HMOX1: variants seen among roughly 807,000 people sequenced by gnomAD.
HMOX1 encodes heat shock protein, 32-kD.
In HMOX1, 22 loss-of-function variants were observed where a neutral mutation model predicts 27.8. The ratio of observed to expected loss-of-function variants is 0.79; its 90% confidence interval spans 0.57 to 1.13. The LOEUF (loss-of-function observed/expected upper bound fraction) is 1.13. HMOX1 is among the 50% of genes most tolerant of loss of function. The probability of loss-of-function intolerance (pLI) is 0.00; values close to 1 mark genes in which losing one functional copy is unlikely to be tolerated. For missense variants in HMOX1, 379 were observed against 377.7 expected (o/e 1.00, Z -0.03); for synonymous variants, 153 against 151.6 (o/e 1.01, Z -0.07).
At chr22:35,383,025 C>G in intron 1 of HMOX1, 81 bp from the exon 2 acceptor site, 1 of 1,585,748 alleles carries the variant, frequency 6.3e-7, no homozygotes, top group Non-Finnish European at 8.6e-7. Flanking sequence ...TGAAGGCCTG[C>G]CCACAGGTGG....
In HMOX1 at chr22:35,388,554, G is replaced by A. The variant is rs1053294193; in HGVS notation, c.637-1310G>A. On this transcript the variant is annotated intron_variant, in intron 3 of 4. Transcript: ENST00000216117. ...TGTAATTCCAGCACTTTGGGAGGCCGAGGCGGGTGGATCACGAAGTCAGGA... is the reference window on the plus strand; with the variant it reads ...TGTAATTCCAGCACTTTGGGAGGCCAAGGCGGGTGGATCACGAAGTCAGGA... Among the ~76,000 whole-genome samples the A allele has an allele frequency of 3.3e-5, 5 of 152,092 alleles. No individual in the cohort carries two copies. The East Asian group carries it at 9.7e-4, about 29-fold the overall frequency.
At chr22:35,381,272 A>G (rs772650226) in intron 1 of HMOX1, 76 bp downstream of exon 1, 137 of 1,482,544 alleles carry the variant, frequency 9.2e-5, no homozygotes, top group Non-Finnish European at 1.1e-4. Context: ...CCACCCCGGG[A>G]CACTGCCACA....
Position 35,393,676 on chromosome 22 carries a change from C to A in HMOX1, c.*78C>A. The A allele has an allele frequency of 6.3e-7, 1 of 1,576,208 alleles. No individual in the cohort carries two copies. The highest frequency in any genetic ancestry group is 8.7e-7 in the Non-Finnish European group (1 of 1,146,502). On this transcript the variant is annotated 3_prime_UTR_variant, in exon 5 of 5. Transcript: ENST00000216117. ...CTTTCTAGAGAGGGAATTCTCTTGG[C>A]TGGCTTCCTTACCGTGGGCACTGAA...
intron 4 of HMOX1, among the ~76,000 whole-genome samples, chr22:35,392,552 C>T (rs1032861001): frequency 2.6e-5 from 4 of 152,026 alleles, no homozygotes; most frequent in Non-Finnish European, 5.9e-5. Context: ...TTCTCATAGC[C>T]CAGGGCGGGG....
chr22:35,386,576 C>CCCAGCTGT, intron 2 of HMOX1, 109 bp from the exon 3 acceptor site: 2 of 1,390,850 alleles, frequency 1.4e-6, no homozygotes, highest in Non-Finnish European at 2.0e-6. Flanking sequence ...GGAGTCAGAG[C>CCCAGCTGT]CCAGCTGCGA....
chr22:35,388,825 GCT>G (rs1378985884), intron 3 of HMOX1, among the ~76,000 whole-genome samples: 2 of 150,656 alleles, frequency 1.3e-5, no homozygotes, highest in Non-Finnish European at 2.9e-5. Flanking sequence ...AAAAAAAACG[GCT>G]CTTAGTGCCT....
rs527424080 is a variant in HMOX1 at position 35,389,921 on chromosome 22, C to A, written c.694C>A (p.Arg232=). 3 of 1,612,146 alleles carry A rather than the reference C, an allele frequency of 1.9e-6. No individual in the cohort carries two copies. Among genetic ancestry groups the A allele is most frequent in the East Asian group, 2.2e-5 (1 of 44,870 alleles). Residue 232 remains arginine, a synonymous_variant, in exon 4 of 5, where the codon CGG becomes AGG. Coordinates refer to ENST00000216117, the MANE Select transcript of HMOX1 (RefSeq NM_002133.3). ...THDTKDQSPS[R]APGLRQRASN... is the part of the protein sequence containing the mutation. ...TGACACCAAGGACCAGAGCCCCTCA[C>A]GGGCACCAGGGCTTCGCCAGCGGGC... is the stretch of plus-strand genomic sequence containing the variant.
At chr22:35,388,484 CA>C (rs965782026) in intron 3 of HMOX1, among the ~76,000 whole-genome samples, 1 of 143,082 alleles carries the variant, frequency 7.0e-6, no homozygotes, top group African/African-American at 2.6e-5. Flanking sequence ...AAAACAAAAA[CA>C]AAAAAAAACG....
chr22:35,381,186 C>A lies in HMOX1; in HGVS notation c.13C>A (p.Gln5Lys). The part of the protein sequence containing the change: MERP[Q>K]PDSMPQDLSE... Reference sequence around the variant, plus strand: ...CAGCACCGGCCGGATGGAGCGTCCGCAACCCGACAGGCAAGCGCGGGGCGC... The same window carrying A: ...CAGCACCGGCCGGATGGAGCGTCCGAAACCCGACAGGCAAGCGCGGGGCGC... Residue 5 changes from glutamine to lysine, a missense_variant, in exon 1 of 5, where the codon CAA becomes AAA. Coordinates refer to ENST00000216117, the MANE Select transcript of HMOX1 (RefSeq NM_002133.3). 6.5e-7 allele frequency: 1 copy of A among 1,546,022 alleles called. No homozygotes were observed. Among genetic ancestry groups the A allele is most frequent in the East Asian group, 2.4e-5 (1 of 41,718 alleles).
Position 35,386,808 on chromosome 22 carries a change from G to C in HMOX1, c.268G>C (p.Glu90Gln), listed in dbSNP as rs1257822129. 3 of 1,614,074 alleles carry C rather than the reference G, an allele frequency of 1.9e-6. No individual in the cohort carries two copies. The highest frequency in any genetic ancestry group is 2.5e-6 in the Non-Finnish European group (3 of 1,180,028). Residue 90 changes from glutamate (E) to glutamine (Q), a missense_variant, in exon 3 of 5, where the codon GAG becomes CAG. Coordinates refer to ENST00000216117, the MANE Select transcript of HMOX1 (RefSeq NM_002133.3). ...AGAGCTGCACCGCAAGGCTGCCCTG[G>C]AGCAGGACCTGGCCTTCTGGTACGG... ...PEELHRKAAL[E>Q]QDLAFWYGPR...
At chr22:35,387,211 C>A in intron 3 of HMOX1, 35 bp downstream of exon 3, 1 of 1,612,026 alleles carries the variant, frequency 6.2e-7, no homozygotes, top group Non-Finnish European at 8.5e-7. Flanking sequence ...GCCTCTGCCT[C>A]CCCCCGTTGT....
chr22:35,390,086 C>A, intron 4 of HMOX1, 123 bp downstream of exon 4: 1 of 751,950 alleles, frequency 1.3e-6, no homozygotes, highest in Non-Finnish European at 2.3e-6. Context: ...TTGTTTCCTG[C>A]TGCCCCACCC....
chr22:35,393,679 G>C lies in HMOX1; in HGVS notation c.*81G>C, dbSNP rs753850950. On this transcript the variant is annotated 3_prime_UTR_variant, in exon 5 of 5. Transcript: ENST00000216117. ...TCTAGAGAGGGAATTCTCTTGGCTG[G>C]CTTCCTTACCGTGGGCACTGAAGGC... The C allele has an allele frequency of 3.2e-5, 50 of 1,577,260 alleles. No homozygotes were observed. Among genetic ancestry groups the C allele is most frequent in the Non-Finnish European group, 4.2e-5 (48 of 1,148,010 alleles).
intron 4 of HMOX1, among the ~76,000 whole-genome samples, chr22:35,390,736 T>C (rs896700867): frequency 2.0e-5 from 3 of 152,136 alleles, no homozygotes; most frequent in African/African-American, 7.2e-5. Flanking sequence ...GCCTCCTTAA[T>C]TTAGACTCCT....
intron 3 of HMOX1, among the ~76,000 whole-genome samples, chr22:35,389,211 T>TTCTC (rs59548374): frequency 8.0e-6 from 1 of 124,570 alleles, no homozygotes; most frequent in Non-Finnish European, 1.6e-5. Flanking sequence ...CTTTCTTTCT[T>TTCTC]TCTCTCTTTC....
At chr22:35,388,514 G>A (rs917289566) in intron 3 of HMOX1, among the ~76,000 whole-genome samples, 1 of 151,704 alleles carries the variant, frequency 6.6e-6, no homozygotes, top group South Asian at 2.1e-4. Flanking sequence ...CTGGCCGGGC[G>A]TGGTGGGTCA....
intron 1 of HMOX1, chr22:35,381,458 G>C: frequency 7.2e-6 from 4 of 551,778 alleles, no homozygotes; most frequent in Non-Finnish European, 1.3e-5. Context: ...CAGTCTTTGA[G>C]GTAGCCAATT....
At chr22:35,393,407 G>C (rs1931772833) in intron 4 of HMOX1, 61 bp from the exon 5 acceptor site, 2 of 1,607,996 alleles carry the variant, frequency 1.2e-6, no homozygotes, top group Non-Finnish European at 1.7e-6. Flanking sequence ...GCTTTCCTAT[G>C]ACATCAGACA....
At chr22:35,388,820 A>G (rs1458697285) in intron 3 of HMOX1, among the ~76,000 whole-genome samples, 5 of 151,748 alleles carry the variant, frequency 3.3e-5, no homozygotes, top group Admixed American at 3.3e-4. Flanking sequence ...AAACAAAAAA[A>G]AACGGCTCTT....
Sources: gnomAD v4.1 joint callset for allele counts (sites outside exome capture counted in the v4.1 genomes callset) on GRCh38, gnomAD v4.1.1 for gene constraint, MANE v1.5 for transcripts, NCBI Gene and HGNC (gene_info 2026-07-23, HGNC 2026-07-21) for gene names.